Variants in PDE1A observed in about 807,000 individuals in gnomAD.
PDE1A encodes the protein dual specificity calcium/calmodulin-dependent 3',5'-cyclic nucleotide phosphodiesterase 1A.
PDE1A carries 35 observed loss-of-function variants against 61.7 expected under a neutral mutation model. That is an observed-to-expected ratio of 0.57 (90% CI 0.43 to 0.75). PDE1A has a LOEUF of 0.75. PDE1A is among the 30% of genes least tolerant of loss of function. The probability of loss-of-function intolerance (pLI) is 0.00; values close to 1 mark genes in which losing one functional copy is unlikely to be tolerated. For missense variants in PDE1A, 597 were observed against 630.6 expected (o/e 0.95, Z 0.57); for synonymous variants, 232 against 213.2 (o/e 1.09, Z -0.77).
intron 1 of PDE1A, among the ~76,000 whole-genome samples, chr2:182,304,860 C>T (rs1447167090): frequency 6.6e-6 from 1 of 152,114 alleles, no homozygotes; most frequent in Admixed American, 6.6e-5. Context: ...GCAAGAATTA[C>T]TAAAATATCA....
the PDE1A span, among the ~76,000 whole-genome samples, chr2:182,648,247 CT>C: frequency 1.3e-5 from 2 of 152,032 alleles, no homozygotes; most frequent in Admixed American, 1.3e-4. Context: ...CATTCTGAGC[CT>C]TGCGAGTAGT....
intron 1 of PDE1A, among the ~76,000 whole-genome samples, chr2:182,282,010 G>A (rs1474162317): frequency 6.6e-6 from 1 of 151,822 alleles, no homozygotes; most frequent in Admixed American, 6.6e-5. Flanking sequence ...GTGCCTTTCT[G>A]TCATCTGGAA....
At chr2:182,414,762 T>C (rs1417295674) in intron 1 of PDE1A, among the ~76,000 whole-genome samples, 1 of 152,060 alleles carries the variant, frequency 6.6e-6, no homozygotes, top group Non-Finnish European at 1.5e-5. Flanking sequence ...AAATTCCAAC[T>C]GAGCTAGTAG....
At chr2:182,440,165 T>A (rs1294793196) in intron 2 of PDE1A, among the ~76,000 whole-genome samples, 2 of 152,074 alleles carry the variant, frequency 1.3e-5, no homozygotes, top group African/African-American at 4.8e-5. Flanking sequence ...GCTCTCATTT[T>A]AATTTCTGGA....
chr2:182,162,285 G>A (rs984775628), intron 13 of PDE1A, among the ~76,000 whole-genome samples: 2 of 152,152 alleles, frequency 1.3e-5, no homozygotes, highest in Admixed American at 6.6e-5. Flanking sequence ...GGCAAGGTGG[G>A]CGTAGTTACT....
chr2:182,646,263 C>A, the PDE1A span, among the ~76,000 whole-genome samples: 4 of 150,972 alleles, frequency 2.6e-5, no homozygotes, highest in Non-Finnish European at 5.9e-5. Context: ...GACTGGCCAA[C>A]GTGGTGAAAC....
At chr2:182,328,816 G>A (rs965514237) in intron 1 of PDE1A, among the ~76,000 whole-genome samples, 3 of 152,148 alleles carry the variant, frequency 2.0e-5, no homozygotes, top group African/African-American at 7.2e-5. Flanking sequence ...TCAAGGACAG[G>A]TAAGTAAGGG....
intron 1 of PDE1A, among the ~76,000 whole-genome samples, chr2:182,296,736 C>T (rs1694910133): frequency 1.3e-5 from 2 of 152,154 alleles, no homozygotes; most frequent in Admixed American, 1.3e-4. Flanking sequence ...AACATTATTT[C>T]TGGGTGTGCT....
chr2:182,712,298 C>T, the PDE1A span, among the ~76,000 whole-genome samples: 4 of 152,090 alleles, frequency 2.6e-5, no homozygotes, highest in Non-Finnish European at 5.9e-5. Context: ...ATCTTTGTAC[C>T]GCAAATATGT....
At chr2:182,501,445 T>G (rs566442841) in intron 2 of PDE1A, among the ~76,000 whole-genome samples, 1 of 152,336 alleles carries the variant, frequency 6.6e-6, no homozygotes, top group East Asian at 1.9e-4. Flanking sequence ...AAATTAGATC[T>G]GCCTGCTTTG....
chr2:182,353,403 C>T (rs1699001795), intron 1 of PDE1A, among the ~76,000 whole-genome samples: 1 of 152,136 alleles, frequency 6.6e-6, no homozygotes, highest in Non-Finnish European at 1.5e-5. Context: ...ACTCTTTCAC[C>T]TCTATTCTGA....
At chr2:182,229,821 TTAAAG>T (rs1689432960) in intron 6 of PDE1A, among the ~76,000 whole-genome samples, 180 bp downstream of exon 6, 1 of 152,030 alleles carries the variant, frequency 6.6e-6, no homozygotes, top group Admixed American at 6.6e-5. Context: ...TTGCACTGAC[TTAAAG>T]TATTTTTTGA....
chr2:182,175,831 G>C, intron 13 of PDE1A, among the ~76,000 whole-genome samples: 1 of 126,880 alleles, frequency 7.9e-6, no homozygotes. Context: ...TAACGTTTAA[G>C]TCTTTAATCC....
At chr2:182,519,512 TTTC>T (rs1690429130) in intron 2 of PDE1A, among the ~76,000 whole-genome samples, 1 of 151,972 alleles carries the variant, frequency 6.6e-6, no homozygotes, top group Non-Finnish European at 1.5e-5. Context: ...CTGTTTCACC[TTTC>T]TTGTCACAAA....
At chr2:182,145,478 A>G (rs1387880227), downstream of PDE1A, among the ~76,000 whole-genome samples, 1 of 152,182 alleles carries the variant, frequency 6.6e-6, no homozygotes, top group Non-Finnish European at 1.5e-5. Flanking sequence ...CTGTAATCCT[A>G]ACACTTTGGG....
rs533391040 is a variant in PDE1A, at chr2:182,316,076, C to G, written c.54-51662G>C. On this transcript the variant is annotated intron_variant, in intron 1 of 13. Coordinates refer to ENST00000351439, the Ensembl canonical transcript of PDE1A. Reference sequence around the variant, plus strand: ...GTCTCTGAGCAGTAATTGAATAAGTCTCTAAATCTGGTTGGAGGACCTTGC... The same window carrying G: ...GTCTCTGAGCAGTAATTGAATAAGTGTCTAAATCTGGTTGGAGGACCTTGC... 3.3e-5 allele frequency among the ~76,000 whole-genome samples: 5 copies of G among 152,270 alleles called. No homozygotes were observed. The East Asian group carries it at 9.7e-4, about 29-fold the overall frequency.
At chr2:182,626,321 T>A in the PDE1A span, among the ~76,000 whole-genome samples, 8 of 152,266 alleles carry the variant, frequency 5.3e-5, no homozygotes, top group Non-Finnish European at 1.0e-4. Flanking sequence ...CTGAATTCAA[T>A]TTCAGAGAAA....
chr2:182,706,269 A>G, the PDE1A span, among the ~76,000 whole-genome samples: 1 of 152,172 alleles, frequency 6.6e-6, no homozygotes. Flanking sequence ...ATTATTTAGC[A>G]TCTCCATTCA....
At chr2:182,309,922 AAAAG>A (rs1695854823) in intron 1 of PDE1A, among the ~76,000 whole-genome samples, 1 of 152,162 alleles carries the variant, frequency 6.6e-6, no homozygotes, top group Non-Finnish European at 1.5e-5. Context: ...AGGTAATTTA[AAAAG>A]AGAGAGGAGA....
Sources: allele counts gnomAD v4.1 joint callset (sites outside exome capture counted in the v4.1 genomes callset), GRCh38; gene constraint gnomAD v4.1.1; transcripts MANE v1.5; gene names NCBI Gene and HGNC (gene_info 2026-07-23, HGNC 2026-07-21).